Variants in BTG4 observed in about 807,000 individuals in gnomAD.
BTG4 encodes protein BTG4.
Under a neutral mutation model 19.3 loss-of-function variants are expected in BTG4, and 10 were observed. The observed-to-expected ratio is 0.52, with a 90% confidence interval of 0.32 to 0.88. BTG4 has a LOEUF of 0.88. Among genes scored for constraint, BTG4 ranks in the 40% least tolerant of loss-of-function variants. The probability of loss-of-function intolerance (pLI) is 0.04; values close to 1 mark genes in which losing one functional copy is unlikely to be tolerated. For missense variants in BTG4, 238 were observed against 281.9 expected, an observed-to-expected ratio of 0.84 and a Z score of 1.11; for synonymous variants, 91 against 95.7, an observed-to-expected ratio of 0.95 and a Z score of 0.29.
At chr11:111,435,529 G>T in the BTG4 span, among the ~76,000 whole-genome samples, 5,219 of 152,224 alleles carry the variant, frequency 0.034, 315 homozygotes, top group African/African-American at 0.12. Context: ...ATGGAGGCAG[G>T]CGAGGAAAGG....
chr11:111,455,750 C>T, the BTG4 span: 79 of 441,112 alleles, frequency 1.8e-4, no homozygotes, highest in Non-Finnish European at 3.2e-4. Context: ...CTCCTGTGCC[C>T]CTGCAGGGCA....
chr11:111,493,484 C>A (rs914924910), downstream of BTG4, among the ~76,000 whole-genome samples: 2 of 152,168 alleles, frequency 1.3e-5, no homozygotes, highest in African/African-American at 2.4e-5. Flanking sequence ...TACATGCCAG[C>A]ATCCTAAAGC....
chr11:111,484,676 A>G (rs1864946977), intron 5 of BTG4, among the ~76,000 whole-genome samples: 1 of 152,150 alleles, frequency 6.6e-6, no homozygotes, highest in African/African-American at 2.4e-5. Context: ...AAATTAAGAC[A>G]TACTGTCAGA....
chr11:111,513,587 G>T, upstream of BTG4: 1 of 449,202 alleles, frequency 2.2e-6, no homozygotes, highest in Non-Finnish European at 4.7e-6. Flanking sequence ...GGAAAATGCT[G>T]ATTTCATCCA....
chr11:111,408,409 A>T, the BTG4 span, among the ~76,000 whole-genome samples: 3 of 152,174 alleles, frequency 2.0e-5, no homozygotes, highest in Admixed American at 1.3e-4. Flanking sequence ...CTCGGGAATG[A>T]GTGGACGAGC....
At chr11:111,397,617 C>T in the BTG4 span, 4 of 152,190 alleles carry the variant, frequency 2.6e-5, no homozygotes, top group Non-Finnish European at 5.9e-5. Context: ...TGTCAGCCAA[C>T]TGGTAGGTGT....
chr11:111,496,260 T>C (rs1181671098), intron 4 of BTG4, among the ~76,000 whole-genome samples: 2 of 152,282 alleles, frequency 1.3e-5, no homozygotes, highest in East Asian at 1.9e-4. Flanking sequence ...AATGGCAAAG[T>C]TGGCACTTTT....
downstream of BTG4, among the ~76,000 whole-genome samples, chr11:111,491,610 C>A (rs1205620419): frequency 1.3e-5 from 2 of 151,600 alleles, no homozygotes; most frequent in Non-Finnish European, 2.9e-5. Context: ...TAGCCAGGTG[C>A]CTGTAGTCCC....
the BTG4 span, among the ~76,000 whole-genome samples, chr11:111,458,786 A>T: frequency 6.6e-6 from 1 of 152,118 alleles, no homozygotes; most frequent in Non-Finnish European, 1.5e-5. Context: ...TCTAGAAATT[A>T]CCCTCTTCCC....
At chr11:111,454,196 A>C in the BTG4 span, 1 of 433,176 alleles carries the variant, frequency 2.3e-6, no homozygotes, top group Non-Finnish European at 4.5e-6. Flanking sequence ...TCATATTTGC[A>C]TTTCAGGAGG....
chr11:111,494,559 A>T (rs1397658191), downstream of BTG4, among the ~76,000 whole-genome samples: 1 of 152,196 alleles, frequency 6.6e-6, no homozygotes, highest in Non-Finnish European at 1.5e-5. Flanking sequence ...TCTCACTGCT[A>T]TCAAATTTGT....
chr11:111,484,264 T>G (rs1354863840), intron 5 of BTG4, among the ~76,000 whole-genome samples: 4 of 152,052 alleles, frequency 2.6e-5, no homozygotes, highest in Non-Finnish European at 5.9e-5. Flanking sequence ...GAAAAAGAAG[T>G]AATTTGAAGA....
At chr11:111,436,861 C>A in the BTG4 span, among the ~76,000 whole-genome samples, 31 of 152,278 alleles carry the variant, frequency 2.0e-4, no homozygotes, top group East Asian at 2.9e-3. Flanking sequence ...TTTCCGTTGG[C>A]TCGCGTGTGG....
At chr11:111,425,297 T>C in the BTG4 span, among the ~76,000 whole-genome samples, 3 of 152,218 alleles carry the variant, frequency 2.0e-5, no homozygotes, top group East Asian at 5.8e-4. Context: ...TGCCAGGCAC[T>C]CTGTACCATA....
Position 111,497,232 on chromosome 11 carries a change from G to C in BTG4, c.489C>G (p.Ser163Arg). The change falls in exon 4 of 5, where the codon AGC (serine) becomes AGG (arginine). Residue 163 changes from serine (S) to arginine (R), a missense_variant. Transcript: ENST00000692032. ...SKEPRVIPKVSNPKSIYQVEN... is the reference protein window; with the variant it reads ...SKEPRVIPKVRNPKSIYQVEN... ...TGACCTGATAAATACTCTTCGGATT[G>C]CTGACTTTAGGAATGACACGAGGTT... 6.2e-7 allele frequency: 1 copy of C among 1,613,068 alleles called. No homozygotes were observed. Among genetic ancestry groups the C allele is most frequent in the African/African-American group, 1.3e-5 (1 of 74,952 alleles).
intron 2 of BTG4, 31 bp downstream of exon 2, chr11:111,498,573 T>TC (rs1452095384): frequency 6.3e-7 from 1 of 1,579,076 alleles, no homozygotes; most frequent in Non-Finnish European, 8.6e-7. Context: ...GGTGATTGCT[T>TC]CCCTTTGCCA....
At chr11:111,387,898 C>T in the BTG4 span, among the ~76,000 whole-genome samples, 1 of 151,806 alleles carries the variant, frequency 6.6e-6, no homozygotes, top group Admixed American at 6.6e-5. Flanking sequence ...TTCTTCTTTG[C>T]CATTACTGAG....
upstream of BTG4, chr11:111,514,420 A>C: frequency 3.5e-6 from 1 of 286,094 alleles, no homozygotes; most frequent in Non-Finnish European, 6.8e-6. Flanking sequence ...GGAAGTGGGG[A>C]TTGGGGCAAT....
chr11:111,498,240 C>T, intron 2 of BTG4, 105 bp from the exon 3 acceptor site: 1 of 1,277,218 alleles, frequency 7.8e-7, no homozygotes, highest in Non-Finnish European at 1.1e-6. Context: ...CACCTCATCC[C>T]CTCAGCCTCC....
Sources: gnomAD v4.1 joint callset for allele counts (sites outside exome capture counted in the v4.1 genomes callset) on GRCh38, gnomAD v4.1.1 for gene constraint, MANE v1.5 for transcripts, NCBI Gene and HGNC (gene_info 2026-07-23, HGNC 2026-07-21) for gene names.